TTYH2: variants seen among roughly 807,000 people sequenced by gnomAD.
The protein encoded by TTYH2 is protein tweety homolog 2.
TTYH2 carries 49 observed loss-of-function variants against 68.3 expected under a neutral mutation model. The observed-to-expected ratio is 0.72, with a 90% CI of 0.57 to 0.91. The LOEUF is 0.91. Among genes scored for constraint, TTYH2 ranks in the 40% least tolerant of loss-of-function variants. The pLI is 0.00. For synonymous variants in TTYH2, 272 were observed against 300.8 expected (o/e 0.90, Z 0.99); for missense variants, 631 against 700.4 (o/e 0.90, Z 1.12).
At position 74,241,262 on chromosome 17, in the gene TTYH2, C is replaced by CGTGTGTGTGTGTGTGTGTGTGTGT. The variant is rs199960092; in HGVS notation, c.636-2100_636-2077dup. ...ATAGACAGACCCGGTATTTATAATA[C>CGTGTGTGTGTGTGTGTGTGTGTGT]GTGTGTGTGTGTGTGTGTGTGTGTG... is the stretch of plus-strand genomic sequence containing the variant. On this transcript the variant is annotated intron_variant, in intron 4 of 13. Coordinates refer to ENST00000269346, the MANE Select transcript of TTYH2 (RefSeq NM_032646.6). The surrounding 1 kb of genome is among the most constrained non-coding windows in gnomAD (Gnocchi z 4.1). Among the ~76,000 whole-genome samples the CGTGTGTGTGTGTGTGTGTGTGTGT allele has an allele frequency of 6.9e-6, 1 of 144,688 alleles. No homozygotes were observed. Among genetic ancestry groups the CGTGTGTGTGTGTGTGTGTGTGTGT allele is most frequent in the African/African-American group, 2.6e-5 (1 of 38,890 alleles). The allele number at this position is 144,688 out of a possible 152,430, so 94.9% of individuals were successfully genotyped here.
chr17:74,222,520 C>G lies in TTYH2; in HGVS notation c.165C>G (p.Cys55Trp). ...LLFLGLVAAV[C>W]LGLNLIFLVA... The stretch of plus-strand genomic sequence containing the variant: ...TCCTGGGGCTGGTGGCCGCCGTCTG[C>G]CTGGGCCTGAACCTCATCTTCCTTG... The change falls in exon 2 of 14, where the codon TGC becomes TGG. Residue 55 changes from cysteine to tryptophan, a missense_variant. Cys to Trp is a radical substitution (Grantham distance 215). Coordinates refer to ENST00000269346, the MANE Select transcript of TTYH2 (RefSeq NM_032646.6). This position sits in a 1 kb window ranked among gnomAD's most constrained non-coding sequence, Gnocchi z 5.2. The G allele has an allele frequency of 6.2e-7, 1 of 1,611,878 alleles. No individual in the cohort carries two copies. The highest frequency in any genetic ancestry group is 8.5e-7 in the Non-Finnish European group (1 of 1,179,928).
chr17:74,223,402 A>G (rs946253696), intron 2 of TTYH2, among the ~76,000 whole-genome samples: 1 of 152,114 alleles, frequency 6.6e-6, no homozygotes, highest in Non-Finnish European at 1.5e-5. Context: ...CTGGGATTAC[A>G]GGCGTGAGGC....
At chr17:74,250,193 C>A in intron 9 of TTYH2, 72 bp from the exon 10 acceptor site, 1 of 1,510,892 alleles carries the variant, frequency 6.6e-7, no homozygotes, top group Non-Finnish European at 9.0e-7. Context: ...CTGAGCACAG[C>A]TGCTGTGGTG....
rs2050291238 is a variant in TTYH2, at chr17:74,222,862, G to A, written c.302+205G>A. ...TGGGGTCTCCAGAAAGGTCTCCCAA[G>A]TGGCCCCCCACAAACCCTGCCCCAA... On this transcript the variant is annotated intron_variant, in intron 2 of 13. Transcript: ENST00000269346. This position sits in a 1 kb window ranked among gnomAD's most constrained non-coding sequence, Gnocchi z 5.2. 6.6e-6 allele frequency among the ~76,000 whole-genome samples: 1 copy of A among 151,708 alleles called. No homozygotes were observed. Among genetic ancestry groups the A allele is most frequent in the East Asian group, 1.9e-4 (1 of 5,152 alleles).
intron 1 of TTYH2, among the ~76,000 whole-genome samples, chr17:74,216,327 G>C (rs1007947602): frequency 1.3e-5 from 2 of 152,154 alleles, no homozygotes; most frequent in Admixed American, 6.5e-5. Context: ...TGTGGGGTGT[G>C]GGGGGTGGGT....
rs560736970 is a variant in TTYH2, at chr17:74,229,254, C to T, written c.303-1634C>T. Among the ~76,000 whole-genome samples, 9 of 152,236 alleles carry T rather than the reference C, an allele frequency of 5.9e-5. No individual in the cohort carries two copies. The South Asian group carries it at 1.9e-3, about 32-fold the overall frequency. ...AGTATGTGATCTCAGTAGACCTCAG[C>T]GATTCCCAGGCCCACCTGTGTCAGA... is the stretch of plus-strand genomic sequence containing the variant. On this transcript the variant is annotated intron_variant, in intron 2 of 13. Coordinates refer to ENST00000269346, the MANE Select transcript of TTYH2 (RefSeq NM_032646.6).
At chr17:74,243,236 G>A (rs2050519793) in intron 4 of TTYH2, 138 bp from the exon 5 acceptor site, 2 of 705,616 alleles carry the variant, frequency 2.8e-6, no homozygotes, top group Non-Finnish European at 4.9e-6. Context: ...ACGCATGCTG[G>A]GTGCTTGCTG....
intron 3 of TTYH2, among the ~76,000 whole-genome samples, chr17:74,235,632 G>T (rs1199490802): frequency 6.6e-6 from 1 of 152,182 alleles, no homozygotes; most frequent in Non-Finnish European, 1.5e-5. Flanking sequence ...GCTCATGCTT[G>T]CAATCCCAGC....
chr17:74,248,766 AG>A, intron 6 of TTYH2: 15 of 1,396,590 alleles, frequency 1.1e-5, no homozygotes, highest in Admixed American at 2.9e-5. Context: ...TTGGGTGAAT[AG>A]CATTATCATC....
intron 10 of TTYH2, chr17:74,250,659 A>G (rs7225791): frequency 0.38 from 106,644 of 281,142 alleles, 21,532 homozygotes; most frequent in African/African-American, 0.53. Flanking sequence ...CCAGACTCCT[A>G]GCCATTTCCT....
intron 6 of TTYH2, among the ~76,000 whole-genome samples, chr17:74,246,059 G>A (rs190747999): frequency 1.3e-5 from 2 of 152,318 alleles, no homozygotes; most frequent in Admixed American, 1.3e-4. Context: ...GGAGGTGTCT[G>A]GGGTGAGGGG....
intron 1 of TTYH2, among the ~76,000 whole-genome samples, chr17:74,216,630 G>A (rs11871832): frequency 0.1 from 15,493 of 152,234 alleles, 971 homozygotes; most frequent in South Asian, 0.26. Flanking sequence ...CCAAGTCCTC[G>A]CAAAGGCCAC....
chr17:74,250,512 G>T (rs1037536882), intron 10 of TTYH2, 155 bp downstream of exon 10: 2 of 644,884 alleles, frequency 3.1e-6, no homozygotes, highest in Non-Finnish European at 2.7e-6. Context: ...AAGGGAGGGG[G>T]TGCCTGGCTT....
At chr17:74,260,016 G>A (rs7225498) in intron 13 of TTYH2, 113 bp from the exon 14 acceptor site, 200,577 of 888,746 alleles carry the variant, frequency 0.23, 24,252 homozygotes, top group Non-Finnish European at 0.24. Context: ...AGGCACGGCC[G>A]GGTTTCCCTC....
At chr17:74,243,603 C>A (rs2050524512) in intron 5 of TTYH2, 134 bp downstream of exon 5, 1 of 832,386 alleles carries the variant, frequency 1.2e-6, no homozygotes, top group Non-Finnish European at 2.0e-6. Context: ...CTGCCCCGTC[C>A]TCAGCACTCA....
At chr17:74,249,731 G>A (rs1032303393) in intron 8 of TTYH2, among the ~76,000 whole-genome samples, 9 of 150,174 alleles carry the variant, frequency 6.0e-5, no homozygotes, top group Non-Finnish European at 1.0e-4. Flanking sequence ...GCAGGGAGAA[G>A]ACTGTGCAGC....
chr17:74,251,065 T>C (rs115393735), intron 10 of TTYH2, among the ~76,000 whole-genome samples: 4 of 137,864 alleles, frequency 2.9e-5, no homozygotes, highest in African/African-American at 5.6e-5. Flanking sequence ...TGTGTGTGTG[T>C]GCGTGTGTGT....
chr17:74,225,616 C>T (rs961855891), intron 2 of TTYH2, among the ~76,000 whole-genome samples: 1 of 152,140 alleles, frequency 6.6e-6, no homozygotes, highest in African/African-American at 2.4e-5. Flanking sequence ...TAGCAGGAGC[C>T]ACCACCACCT....
At position 74,250,289 on chromosome 17, in the gene TTYH2, C is replaced by T. The variant is rs779936673; in HGVS notation, c.1048C>T (p.Leu350=). The T allele has an allele frequency of 2.5e-5, 41 of 1,613,532 alleles. No homozygotes were observed. Among genetic ancestry groups the T allele is most frequent in the Non-Finnish European group, 3.5e-5 (41 of 1,179,828 alleles). The part of the protein sequence containing the change: ...AEEDLLAIQL[L]LNSSESSLHQ... ...GGAAGACCTGCTTGCAATCCAGCTCCTGCTGAACTCCTCAGAGTCCAGCCT... is the reference window on the plus strand; with the variant it reads ...GGAAGACCTGCTTGCAATCCAGCTCTTGCTGAACTCCTCAGAGTCCAGCCT... Residue 350 remains leucine, a synonymous_variant, in exon 10 of 14, where the codon CTG becomes TTG. Transcript: ENST00000269346.
Sources: allele counts gnomAD v4.1 joint callset (sites outside exome capture counted in the v4.1 genomes callset), GRCh38; gene constraint gnomAD v4.1.1; non-coding constraint Gnocchi (gnomAD v3.1); transcripts MANE v1.5; gene names NCBI Gene and HGNC (gene_info 2026-07-23, HGNC 2026-07-21).